The following LYN variants were observed in gnomAD, a reference collection of about 807,000 sequenced individuals.
LYN encodes tyrosine-protein kinase Lyn.
A neutral mutation model predicts 65.0 loss-of-function variants in LYN; 12 were observed. The observed-to-expected ratio is 0.18, with a 90% confidence interval of 0.12 to 0.30. The LOEUF (loss-of-function observed/expected upper bound fraction) is 0.30, where lower values mean the gene tolerates loss of function less well. LYN is among the 10% of genes least tolerant of loss of function. The pLI is 1.00. For synonymous variants in LYN, 222 were observed against 221.2 expected (o/e 1.00, Z -0.03); for missense variants, 380 against 623.2 (o/e 0.61, Z 4.16).
intron 1 of LYN, among the ~76,000 whole-genome samples, chr8:55,902,523 A>G (rs1327512447): frequency 6.6e-6 from 1 of 151,620 alleles, no homozygotes; most frequent in Non-Finnish European, 1.5e-5. Flanking sequence ...TGAATTGTAC[A>G]AAGTACACTT....
At chr8:55,942,963 A>G (rs181666233) in intron 2 of LYN, among the ~76,000 whole-genome samples, 1 of 152,292 alleles carries the variant, frequency 6.6e-6, no homozygotes, top group South Asian at 2.1e-4. Context: ...TGAAGTTGTC[A>G]TCTGTTATTT....
At chr8:55,960,597 C>A (rs547289443) in intron 8 of LYN, among the ~76,000 whole-genome samples, 5 of 152,302 alleles carry the variant, frequency 3.3e-5, no homozygotes, top group African/African-American at 9.6e-5. Context: ...AGGATACTCC[C>A]TCTCCCAATT....
intron 10 of LYN, among the ~76,000 whole-genome samples, chr8:55,992,164 C>A (rs2667976): frequency 0.26 from 40,265 of 151,974 alleles, 5,793 homozygotes; most frequent in African/African-American, 0.35. Context: ...CTTTGTTCAC[C>A]CCTGGGCCTG....
chr8:55,911,053 T>G, intron 1 of LYN, among the ~76,000 whole-genome samples: 1 of 115,242 alleles, frequency 8.7e-6, no homozygotes. Flanking sequence ...CCCACCTCCA[T>G]GTCCGGCTAA....
chr8:55,932,805 T>A (rs1806307605), intron 1 of LYN, among the ~76,000 whole-genome samples: 1 of 152,206 alleles, frequency 6.6e-6, no homozygotes, highest in Non-Finnish European at 1.5e-5. Context: ...TGAAATCATG[T>A]CCTGGGCAGC....
chr8:55,983,007 C>T (rs1807972113), intron 10 of LYN, among the ~76,000 whole-genome samples: 1 of 152,114 alleles, frequency 6.6e-6, no homozygotes, highest in South Asian at 2.1e-4. Context: ...TCCCCCATGT[C>T]ACACGCACCT....
chr8:55,942,345 GTATA>G (rs1386809207), intron 2 of LYN, among the ~76,000 whole-genome samples: 2 of 137,026 alleles, frequency 1.5e-5, no homozygotes, highest in African/African-American at 5.9e-5. Context: ...ATATATATGT[GTATA>G]TATATGTGTA....
At chr8:56,001,774 A>G (rs190243006) in intron 12 of LYN, among the ~76,000 whole-genome samples, 1 of 152,188 alleles carries the variant, frequency 6.6e-6, no homozygotes, top group East Asian at 1.9e-4. Context: ...ACACCTGATA[A>G]ACATACAATC....
At chr8:55,918,724 G>A (rs1805850803) in intron 1 of LYN, among the ~76,000 whole-genome samples, 1 of 152,154 alleles carries the variant, frequency 6.6e-6, no homozygotes, top group Non-Finnish European at 1.5e-5. Flanking sequence ...ATGAGTCACT[G>A]AGGCTGAGGG....
intron 1 of LYN, among the ~76,000 whole-genome samples, chr8:55,917,986 A>T (rs1159529470): frequency 1.3e-5 from 2 of 152,228 alleles, no homozygotes; most frequent in Non-Finnish European, 2.9e-5. Flanking sequence ...TGGGGGATTT[A>T]TTGGAAGGAA....
chr8:55,900,081 C>T (rs1435301937), intron 1 of LYN, among the ~76,000 whole-genome samples: 9 of 152,096 alleles, frequency 5.9e-5, no homozygotes, highest in East Asian at 5.8e-4. Flanking sequence ...CGCTGCCACT[C>T]GAACTTCAGG....
chr8:56,007,897 C>A (rs531995832), intron 12 of LYN, among the ~76,000 whole-genome samples: 1 of 151,960 alleles, frequency 6.6e-6, no homozygotes, highest in African/African-American at 2.4e-5. Context: ...GACAGGCAGA[C>A]GACTTCAGGT....
chr8:55,994,484 G>A lies in LYN; in HGVS notation c.1051-3862G>A, dbSNP rs185783871. The stretch of plus-strand genomic sequence containing the variant: ...AATGCACTCAGATTTATGCAAATGC[G>A]GGATGTGGGTAGGTGTGACAAATGC... On this transcript the variant is annotated intron_variant, in intron 10 of 12. Coordinates refer to ENST00000519728, the MANE Select transcript of LYN (RefSeq NM_002350.4). 3.9e-5 allele frequency among the ~76,000 whole-genome samples: 6 copies of A among 152,222 alleles called. No homozygotes were observed. The East Asian group carries it at 7.7e-4, about 20-fold the overall frequency.
chr8:55,976,516 C>G (rs139614979), intron 10 of LYN, among the ~76,000 whole-genome samples: 243 of 152,228 alleles, frequency 1.6e-3, no homozygotes, highest in Middle Eastern at 6.8e-3. Context: ...TGAGCACAGC[C>G]AGGCACTGTG....
chr8:56,007,219 T>A lies in LYN; in HGVS notation c.1337-2689T>A, dbSNP rs574409284. On this transcript the variant is annotated intron_variant, in intron 12 of 12. Transcript: ENST00000519728. ...TGTGCAGGTCCAATTGCTATTTATA[T>A]CATACTGGATGTTAGTCCTCCCACC... Among the ~76,000 whole-genome samples, 72 of 152,288 alleles carry A rather than the reference T, an allele frequency of 4.7e-4. 1 individual carries two copies. Among genetic ancestry groups the A allele is most frequent in the African/African-American group, 1.7e-3 (71 of 41,552 alleles).
intron 1 of LYN, among the ~76,000 whole-genome samples, chr8:55,932,993 CA>C (rs942951823): frequency 2.5e-4 from 38 of 152,176 alleles, no homozygotes; most frequent in African/African-American, 9.1e-4. Flanking sequence ...AGACATTCAC[CA>C]AAAAACTATT....
chr8:56,013,004 C>A lies in LYN; in HGVS notation c.*2894C>A, dbSNP rs1020600918. 6.6e-6 allele frequency: 1 copy of A among 152,246 alleles called. No homozygotes were observed. Among genetic ancestry groups the A allele is most frequent in the African/African-American group, 2.4e-5 (1 of 41,428 alleles). The allele number at this position is 152,246 out of a possible 1,614,324, so 9.4% of individuals were successfully genotyped here. A position where few individuals can be genotyped will look rare whatever the true frequency, so the allele number is the denominator to read the frequency against. On this transcript the variant is annotated 3_prime_UTR_variant, in exon 13 of 13. Transcript: ENST00000519728. ...GGCTTCCGTGGCTTCTCCAGGCATA[C>A]CTCCTGAGGTTCCACAGAATCCCCT...
intron 1 of LYN, among the ~76,000 whole-genome samples, chr8:55,934,187 T>C (rs912962748): frequency 9.2e-5 from 14 of 152,120 alleles, no homozygotes; most frequent in East Asian, 3.9e-4. Context: ...GATTGTGCCA[T>C]TGCACTCCAG....
Position 55,946,315 on chromosome 8 carries a change from C to T in LYN, c.133-133C>T. The T allele has an allele frequency of 4.2e-6, 3 of 708,414 alleles. No homozygotes were observed. In the South Asian group the frequency reaches 5.0e-5, roughly 12 times the overall value. The allele number at this position is 708,414 out of a possible 1,614,324, so 43.9% of individuals were successfully genotyped here. A position where few individuals can be genotyped will look rare whatever the true frequency, so the allele number is the denominator to read the frequency against. On this transcript the variant is annotated intron_variant, in intron 2 of 12. Transcript: ENST00000519728. ...ACCTCTACAGGTTTTTCCCTCTGTGCTCCTGTTCTTTCTGACTTAATAAAT... is the reference window on the plus strand; with the variant it reads ...ACCTCTACAGGTTTTTCCCTCTGTGTTCCTGTTCTTTCTGACTTAATAAAT...
Sources: gnomAD v4.1 joint callset for allele counts (sites outside exome capture counted in the v4.1 genomes callset) on GRCh38, gnomAD v4.1.1 for gene constraint, MANE v1.5 for transcripts, NCBI Gene and HGNC (gene_info 2026-07-23, HGNC 2026-07-21) for gene names.